The following NXPE2 variants were observed in gnomAD, a reference collection of about 807,000 sequenced individuals.
NXPE2 encodes NXPE family member 2.
NXPE2 carries 34 observed loss-of-function variants against 34.4 expected under a neutral mutation model. The ratio of observed to expected loss-of-function variants is 0.99; its 90% CI spans 0.75 to 1.31. NXPE2 has a LOEUF of 1.31. NXPE2 is among the 40% of genes most tolerant of loss of function. NXPE2 has a pLI of 0.00. For missense variants in NXPE2, 649 were observed against 672.5 expected, an observed-to-expected ratio of 0.97 and a Z score of 0.39; for synonymous variants, 235 against 231.3, an observed-to-expected ratio of 1.02 and a Z score of -0.15.
chr11:114,802,326 C>T, the NXPE2 span, among the ~76,000 whole-genome samples: 5 of 152,238 alleles, frequency 3.3e-5, no homozygotes, highest in East Asian at 3.8e-4. Context: ...GTCTTCATTA[C>T]AGAATTTTTC....
chr11:114,809,445 C>A, the NXPE2 span, among the ~76,000 whole-genome samples: 1 of 147,018 alleles, frequency 6.8e-6, no homozygotes, highest in Admixed American at 6.9e-5. Flanking sequence ...CTAGAAAACC[C>A]CATTGTCTCA....
At chr11:114,596,626 T>G in the NXPE2 span, among the ~76,000 whole-genome samples, 1 of 152,212 alleles carries the variant, frequency 6.6e-6, no homozygotes, top group African/African-American at 2.4e-5. Context: ...TTGATGACCT[T>G]TGGAAAAGCT....
At chr11:114,619,422 G>A in the NXPE2 span, among the ~76,000 whole-genome samples, 1 of 151,958 alleles carries the variant, frequency 6.6e-6, no homozygotes, top group South Asian at 2.1e-4. Flanking sequence ...GTTGCCTCGT[G>A]GGTAACCACT....
chr11:114,732,800 C>T, the NXPE2 span, among the ~76,000 whole-genome samples: 1 of 152,094 alleles, frequency 6.6e-6, no homozygotes, highest in African/African-American at 2.4e-5. Flanking sequence ...CTTTGCACTG[C>T]ATTCTGAGAG....
chr11:114,564,447 T>C, the NXPE2 span, among the ~76,000 whole-genome samples: 1 of 152,196 alleles, frequency 6.6e-6, no homozygotes, highest in Non-Finnish European at 1.5e-5. Flanking sequence ...GTTTGGGGAT[T>C]ATTTATATAT....
chr11:114,491,811 A>G, the NXPE2 span, among the ~76,000 whole-genome samples: 2 of 152,232 alleles, frequency 1.3e-5, no homozygotes, highest in Non-Finnish European at 2.9e-5. Flanking sequence ...CAGATACACC[A>G]TGGAATACTA....
At chr11:114,605,756 C>T in the NXPE2 span, among the ~76,000 whole-genome samples, 1 of 151,782 alleles carries the variant, frequency 6.6e-6, no homozygotes, top group East Asian at 1.9e-4. Flanking sequence ...AGTATTGCCC[C>T]TAGGGTAATC....
the NXPE2 span, among the ~76,000 whole-genome samples, chr11:114,613,192 C>T: frequency 6.6e-6 from 1 of 151,752 alleles, no homozygotes; most frequent in Non-Finnish European, 1.5e-5. Context: ...TCTAGGGTAA[C>T]CACTGTTACC....
the NXPE2 span, among the ~76,000 whole-genome samples, chr11:114,539,428 T>TATAATAATA: frequency 1.3e-5 from 2 of 151,684 alleles, no homozygotes; most frequent in African/African-American, 4.9e-5. Flanking sequence ...AAACTTAAAG[T>TATAATAATA]ATAATAATAA....
At chr11:114,509,869 C>T in the NXPE2 span, among the ~76,000 whole-genome samples, 2 of 152,078 alleles carry the variant, frequency 1.3e-5, no homozygotes, top group Non-Finnish European at 2.9e-5. Flanking sequence ...CAACAAACTC[C>T]CATGACACAA....
the NXPE2 span, among the ~76,000 whole-genome samples, chr11:114,632,008 C>T: frequency 6.8e-6 from 1 of 146,422 alleles, no homozygotes; most frequent in Admixed American, 7.0e-5. Context: ...GCTACTATTA[C>T]CTAATAGATA....
At chr11:114,521,395 C>T in the NXPE2 span, among the ~76,000 whole-genome samples, 3 of 152,246 alleles carry the variant, frequency 2.0e-5, no homozygotes, top group African/African-American at 7.2e-5. Flanking sequence ...TGAAGAGACT[C>T]CTTTGGGTTA....
the NXPE2 span, among the ~76,000 whole-genome samples, chr11:114,653,362 A>G: frequency 1.3e-5 from 2 of 152,152 alleles, no homozygotes; most frequent in African/African-American, 4.8e-5. Context: ...TATAAGCTCA[A>G]CGGTTTTGTT....
the NXPE2 span, among the ~76,000 whole-genome samples, chr11:114,639,348 C>T: frequency 1.1e-3 from 173 of 152,032 alleles, no homozygotes; most frequent in African/African-American, 4.0e-3. Context: ...GGGAGTGACC[C>T]GATTTTCCAG....
chr11:114,740,347 T>C, the NXPE2 span, among the ~76,000 whole-genome samples: 1 of 152,146 alleles, frequency 6.6e-6, no homozygotes, highest in African/African-American at 2.4e-5. Context: ...TAGCTTTCCA[T>C]TGGCAGACAC....
At chr11:114,526,660 A>G in the NXPE2 span, 1 of 152,182 alleles carries the variant, frequency 6.6e-6, no homozygotes, top group African/African-American at 2.4e-5. Context: ...TGCTCACCCC[A>G]TTGGCCTATT....
the NXPE2 span, among the ~76,000 whole-genome samples, chr11:114,650,952 G>A: frequency 2.0e-5 from 3 of 152,074 alleles, no homozygotes; most frequent in South Asian, 6.2e-4. Flanking sequence ...GAGCACATCA[G>A]GAAGCAGGAA....
chr11:114,532,855 G>A, the NXPE2 span, among the ~76,000 whole-genome samples: 8 of 152,086 alleles, frequency 5.3e-5, no homozygotes, highest in Admixed American at 6.6e-5. Flanking sequence ...AAATCTTGTA[G>A]TATAATTTAT....
the NXPE2 span, among the ~76,000 whole-genome samples, chr11:114,655,151 T>C: frequency 1.3e-5 from 2 of 152,240 alleles, no homozygotes; most frequent in South Asian, 4.1e-4. Flanking sequence ...TCATATCCTT[T>C]GCCTATTTTT....
Sources: gnomAD v4.1 joint callset for allele counts (sites outside exome capture counted in the v4.1 genomes callset) on GRCh38, gnomAD v4.1.1 for gene constraint, MANE v1.5 for transcripts, NCBI Gene and HGNC (gene_info 2026-07-23, HGNC 2026-07-21) for gene names.